CBR4: variants seen among roughly 807,000 people sequenced by gnomAD.
CBR4 encodes the protein carbonyl reductase 4.
Under a neutral mutation model 21.0 loss-of-function variants are expected in CBR4, and 22 were observed. The observed-to-expected ratio is 1.05, with a 90% CI of 0.75 to 1.50. CBR4 has a LOEUF of 1.50. Among genes scored for constraint, CBR4 ranks in the 40% most tolerant of loss-of-function variants. The probability of loss-of-function intolerance (pLI) is 0.00; values close to 1 mark genes in which losing one functional copy is unlikely to be tolerated. For missense variants in CBR4, 302 were observed against 286.3 expected (o/e 1.05, Z -0.40); for synonymous variants, 100 against 104.4 (o/e 0.96, Z 0.26).
intron 2 of CBR4, chr4:168,926,169 G>C: frequency 7.0e-7 from 1 of 1,430,390 alleles, no homozygotes; most frequent in Non-Finnish European, 9.3e-7. Context: ...GGCTTTCCAA[G>C]TATATCTTGA....
intron 2 of CBR4, among the ~76,000 whole-genome samples, chr4:168,940,309 A>G (rs1763227317): frequency 6.6e-6 from 1 of 152,246 alleles, no homozygotes; most frequent in Admixed American, 6.5e-5. Context: ...TTAAAGACTG[A>G]AATGTAAGAC....
chr4:168,896,310 A>G (rs1286728601), intron 2 of CBR4, among the ~76,000 whole-genome samples: 1 of 152,182 alleles, frequency 6.6e-6, no homozygotes, highest in African/African-American at 2.4e-5. Context: ...ATTAGCTTAC[A>G]GTTGGGCAAA....
chr4:168,956,626 A>T (rs1763695523), intron 2 of CBR4, among the ~76,000 whole-genome samples: 1 of 147,140 alleles, frequency 6.8e-6, no homozygotes, highest in South Asian at 2.1e-4. Context: ...AAAAAAAAAA[A>T]ACAGAATGGA....
intron 2 of CBR4, among the ~76,000 whole-genome samples, chr4:168,922,098 T>TACACAC (rs1351389289): frequency 6.0e-4 from 65 of 107,630 alleles, no homozygotes; most frequent in African/African-American, 1.8e-3. Flanking sequence ...TATATATATA[T>TACACAC]ATATACACAC....
intron 3 of CBR4, among the ~76,000 whole-genome samples, chr4:169,003,875 C>T (rs1238566297): frequency 2.0e-5 from 3 of 152,056 alleles, no homozygotes. Flanking sequence ...TGTTCTCACT[C>T]ATAGGTGGGA....
intron 2 of CBR4, among the ~76,000 whole-genome samples, chr4:168,895,151 A>G (rs1278405927): frequency 6.6e-6 from 1 of 152,166 alleles, no homozygotes; most frequent in Non-Finnish European, 1.5e-5. Context: ...TGGGAGGCTG[A>G]GGTGGGTGGA....
chr4:168,947,444 AGTTCTTT>A (rs1763423540), intron 2 of CBR4, among the ~76,000 whole-genome samples: 3 of 151,954 alleles, frequency 2.0e-5, no homozygotes, highest in Non-Finnish European at 4.4e-5. Context: ...TACATGAGTA[AGTTCTTT>A]AGTGGTGATT....
Position 169,009,128 on chromosome 4 carries a change from T to C in CBR4, c.142+820A>G, listed in dbSNP as rs570552964. ...CACAAGACGCACCCCTAGGCCTCTA[T>C]TCTCCCCATGCCTCCCTGATAGTAA... On this transcript the variant is annotated intron_variant, in intron 1 of 4. Transcript: ENST00000306193. 2.2e-4 allele frequency: 93 copies of C among 431,560 alleles called. 2 individuals are homozygous for C. The highest frequency in any genetic ancestry group is 1.5e-3 in the South Asian group (92 of 59,584). 26.7% of individuals were successfully genotyped at this position (431,560 alleles called of 1,614,324 possible).
In CBR4 at chr4:168,993,893, C is replaced by A. The variant is rs988980098; in HGVS notation, c.536-3565G>T. Reference sequence around the variant, plus strand: ...GGCAGTATTTTGTGGTTAAAAAAAACCACTGGATTAGGACACATTAAACTA... The same window carrying A: ...GGCAGTATTTTGTGGTTAAAAAAAAACACTGGATTAGGACACATTAAACTA... On this transcript the variant is annotated intron_variant, in intron 4 of 4. Transcript: ENST00000306193. 3.7e-4 allele frequency among the ~76,000 whole-genome samples: 56 copies of A among 152,090 alleles called. 1 individual carries two copies. Among genetic ancestry groups the A allele is most frequent in the Admixed American group, 2.9e-3 (44 of 15,266 alleles).
intron 2 of CBR4, among the ~76,000 whole-genome samples, chr4:168,900,220 G>A (rs559249667): frequency 4.6e-5 from 7 of 152,204 alleles, no homozygotes; most frequent in East Asian, 1.9e-4. Flanking sequence ...GTCACCTCCC[G>A]CCAGGCCCCA....
chr4:169,007,659 CAAG>C lies in CBR4; in HGVS notation c.237_239del (p.Phe79del). ...ACCTGTTAATACCAGCTGCATTTACCAAGAAATTTACTCGACCTAAATGTTTCT... is the reference window on the plus strand; with the variant it reads ...ACCTGTTAATACCAGCTGCATTTACCAAATTTACTCGACCTAAATGTTTCT... On this transcript the variant is annotated inframe_deletion, in exon 2 of 5. Coordinates refer to ENST00000306193, the MANE Select transcript of CBR4 (RefSeq NM_032783.5). 6.3e-7 allele frequency: 1 copy of C among 1,582,392 alleles called. No homozygotes were observed. The highest frequency in any genetic ancestry group is 1.2e-5 in the South Asian group (1 of 84,856).
At position 168,987,972 on chromosome 4, in the gene CBR4, G is replaced by A. The variant is rs559867484; in HGVS notation, c.*2178C>T. The A allele has an allele frequency of 1.0e-6, 1 of 985,294 alleles. No individual in the cohort carries two copies. Among genetic ancestry groups the A allele is most frequent in the African/African-American group, 1.7e-5 (1 of 57,326 alleles). The allele number at this position is 985,294 out of a possible 1,614,324, so 61.0% of individuals were successfully genotyped here. ...ATAAACCTTATTTTGTTAATGCTAA[G>A]CACAGAACCCTTATGGGCTCATAGG... On this transcript the variant is annotated 3_prime_UTR_variant, in exon 5 of 5. Transcript: ENST00000306193.
chr4:168,992,412 T>A (rs1729633034), intron 4 of CBR4, among the ~76,000 whole-genome samples: 1 of 152,166 alleles, frequency 6.6e-6, no homozygotes, highest in Non-Finnish European at 1.5e-5. Context: ...GTTATTCAGG[T>A]GACAGATACC....
At chr4:168,993,446 G>C (rs1359619128) in intron 4 of CBR4, among the ~76,000 whole-genome samples, 4 of 152,036 alleles carry the variant, frequency 2.6e-5, no homozygotes, top group African/African-American at 9.7e-5. Context: ...CCTGACCTCA[G>C]GTGATCCACC....
intron 2 of CBR4, among the ~76,000 whole-genome samples, chr4:168,899,269 T>C (rs931858798): frequency 2.6e-5 from 4 of 152,142 alleles, no homozygotes; most frequent in African/African-American, 9.7e-5. Context: ...GCTCTCTCCA[T>C]ACAAACATAT....
In CBR4 at chr4:168,997,618, T is replaced by A. The variant is rs190470331; in HGVS notation, c.535+4453A>T. On this transcript the variant is annotated intron_variant, in intron 4 of 4. Coordinates refer to ENST00000306193, the MANE Select transcript of CBR4 (RefSeq NM_032783.5). ...CAAAAAAATTTTTAAACAATTTTTTTAAAAAGATTATATCCTTTATCGATT... is the reference window on the plus strand; with the variant it reads ...CAAAAAAATTTTTAAACAATTTTTTAAAAAAGATTATATCCTTTATCGATT... Among the ~76,000 whole-genome samples, 1,238 of 152,256 alleles carry A rather than the reference T, an allele frequency of 8.1e-3. 13 individuals carry two copies. The highest frequency in any genetic ancestry group is 0.028 in the African/African-American group (1,163 of 41,544).
intron 4 of CBR4, among the ~76,000 whole-genome samples, chr4:168,997,400 A>G (rs2126833880): frequency 6.6e-6 from 1 of 152,298 alleles, no homozygotes; most frequent in Non-Finnish European, 1.5e-5. Flanking sequence ...AAAAAGGTAA[A>G]TGCATGGCTC....
intron 4 of CBR4, among the ~76,000 whole-genome samples, chr4:168,995,604 A>G (rs1421097902): frequency 1.3e-5 from 1 of 76,332 alleles, no homozygotes; most frequent in Non-Finnish European, 3.5e-5. Context: ...ACTCTCCCCC[A>G]TATCATCCTT....
chr4:168,959,363 T>C (rs1763776446), intron 2 of CBR4, among the ~76,000 whole-genome samples: 1 of 152,222 alleles, frequency 6.6e-6, no homozygotes, highest in South Asian at 2.1e-4. Flanking sequence ...GCTCCACTTC[T>C]GGGTTCTCTC....
Sources: allele counts gnomAD v4.1 joint callset (sites outside exome capture counted in the v4.1 genomes callset), GRCh38; gene constraint gnomAD v4.1.1; transcripts MANE v1.5; gene names NCBI Gene and HGNC (gene_info 2026-07-23, HGNC 2026-07-21).